The following SLC30A8 variants were observed in gnomAD, a reference collection of about 807,000 sequenced individuals.
SLC30A8 encodes solute carrier family 30 member 8.
A neutral mutation model predicts 36.9 loss-of-function variants in SLC30A8; 27 were observed. That is an observed-to-expected ratio of 0.73 (90% CI 0.54 to 1.01). The LOEUF (loss-of-function observed/expected upper bound fraction) is 1.01. Among genes scored for constraint, SLC30A8 ranks in the 50% least tolerant of loss-of-function variants. The pLI is 0.00. For synonymous variants in SLC30A8, 164 were observed against 172.4 expected (o/e 0.95, Z 0.38); for missense variants, 439 against 452.0 (o/e 0.97, Z 0.26).
chr8:116,958,256 G>A (rs1050688439), intron 1 of SLC30A8, among the ~76,000 whole-genome samples: 4 of 151,882 alleles, frequency 2.6e-5, no homozygotes, highest in Non-Finnish European at 4.4e-5. Context: ...TGGTTATGGC[G>A]TTTTCTAGTG....
intron 2 of SLC30A8, among the ~76,000 whole-genome samples, chr8:117,059,095 C>T (rs187985612): frequency 3.8e-4 from 58 of 152,234 alleles, no homozygotes; most frequent in Middle Eastern, 3.4e-3. Context: ...ATTGAAGTCA[C>T]GTTTATGGGA....
chr8:116,991,919 T>A (rs1815657271), intron 1 of SLC30A8, among the ~76,000 whole-genome samples: 2 of 152,162 alleles, frequency 1.3e-5, no homozygotes, highest in Non-Finnish European at 2.9e-5. Flanking sequence ...TCCATTTAAT[T>A]TTGCAGTGTC....
chr8:117,054,254 G>A lies in SLC30A8; in HGVS notation c.-226+14996G>A, dbSNP rs541081839. Among the ~76,000 whole-genome samples the A allele has an allele frequency of 1.3e-4, 20 of 152,042 alleles. No individual in the cohort carries two copies. In the South Asian group the frequency reaches 4.2e-3, roughly 32 times the overall value. On this transcript the variant is annotated intron_variant, in intron 2 of 10. Transcript: ENST00000427715. ...GCTGGGACGACAGGCGTGTGGTACCGCACCTGGCTATTTTTAAATTTTTTT... is the reference window on the plus strand; with the variant it reads ...GCTGGGACGACAGGCGTGTGGTACCACACCTGGCTATTTTTAAATTTTTTT...
At chr8:117,013,484 A>G (rs1816411126) in intron 1 of SLC30A8, among the ~76,000 whole-genome samples, 1 of 152,230 alleles carries the variant, frequency 6.6e-6, no homozygotes, top group Non-Finnish European at 1.5e-5. Flanking sequence ...GCATTGCTCT[A>G]GGGTAGATAA....
At chr8:117,022,257 A>G (rs1816722709) in intron 1 of SLC30A8, among the ~76,000 whole-genome samples, 1 of 152,104 alleles carries the variant, frequency 6.6e-6, no homozygotes, top group Non-Finnish European at 1.5e-5. Flanking sequence ...TATGATCTTG[A>G]GATGGATAAA....
At chr8:117,038,816 G>A (rs992468251) in intron 1 of SLC30A8, among the ~76,000 whole-genome samples, 3 of 152,186 alleles carry the variant, frequency 2.0e-5, no homozygotes, top group East Asian at 1.9e-4. Context: ...TAACCAATAA[G>A]ATGATTTTAA....
chr8:117,005,431 T>G (rs1276400750), intron 1 of SLC30A8, among the ~76,000 whole-genome samples: 1 of 152,258 alleles, frequency 6.6e-6, no homozygotes, highest in Non-Finnish European at 1.5e-5. Flanking sequence ...GGACCAATAT[T>G]CCATTGTATG....
intron 6 of SLC30A8, among the ~76,000 whole-genome samples, chr8:117,170,811 G>T (rs1045185690): frequency 2.0e-5 from 3 of 152,134 alleles, no homozygotes; most frequent in African/African-American, 7.2e-5. Context: ...ACCATTGTTG[G>T]TTATTGCATA....
intron 1 of SLC30A8, among the ~76,000 whole-genome samples, chr8:116,963,101 T>G (rs1814484077): frequency 6.6e-6 from 1 of 152,142 alleles, no homozygotes; most frequent in South Asian, 2.1e-4. Flanking sequence ...TAGGAAATCT[T>G]CAGGCTTGAA....
At chr8:117,054,091 C>T (rs1441639701) in intron 2 of SLC30A8, among the ~76,000 whole-genome samples, 1 of 140,254 alleles carries the variant, frequency 7.1e-6, no homozygotes. Context: ...AAATGTACTG[C>T]AAAAATCTTT....
intron 2 of SLC30A8, among the ~76,000 whole-genome samples, chr8:117,083,050 C>G (rs1563584405): frequency 6.6e-6 from 1 of 152,300 alleles, no homozygotes; most frequent in East Asian, 1.9e-4. Context: ...GGAGGGACAT[C>G]TCTTCTCCAT....
intron 1 of SLC30A8, among the ~76,000 whole-genome samples, chr8:117,143,448 CAT>C (rs1821751390): frequency 6.6e-6 from 1 of 152,146 alleles, no homozygotes; most frequent in African/African-American, 2.4e-5. Flanking sequence ...TTTGTTGCAT[CAT>C]AGCATTTGCT....
At chr8:116,961,233 T>C (rs1586329671) in intron 1 of SLC30A8, among the ~76,000 whole-genome samples, 1 of 152,038 alleles carries the variant, frequency 6.6e-6, no homozygotes, top group East Asian at 1.9e-4. Flanking sequence ...ATTGAGACCA[T>C]CCTGGCTAAC....
At chr8:117,006,928 AC>A (rs1381570109) in intron 1 of SLC30A8, 1 of 136,908 alleles carries the variant, frequency 7.3e-6, no homozygotes, top group African/African-American at 2.8e-5. Flanking sequence ...GATTACAGGC[AC>A]CTGCCACCCC....
At chr8:117,158,717 T>A (rs1822628779) in intron 4 of SLC30A8, among the ~76,000 whole-genome samples, 1 of 152,148 alleles carries the variant, frequency 6.6e-6, no homozygotes, top group African/African-American at 2.4e-5. Flanking sequence ...TTTTTTTGAG[T>A]CAAATTTCTC....
chr8:116,983,545 T>G (rs1815345116), intron 1 of SLC30A8, among the ~76,000 whole-genome samples: 1 of 152,188 alleles, frequency 6.6e-6, no homozygotes, highest in South Asian at 2.1e-4. Flanking sequence ...CTCATGTACT[T>G]TTTTCATAGA....
intron 1 of SLC30A8, among the ~76,000 whole-genome samples, chr8:117,012,042 C>A (rs932431090): frequency 6.6e-5 from 10 of 152,090 alleles, no homozygotes; most frequent in African/African-American, 2.4e-4. Context: ...TTGAAAAGAA[C>A]CCAGAATAAT....
rs376684185 is a variant in SLC30A8 at position 116,991,523 on chromosome 8, T to C, written c.-266+40404T>C. 2.6e-5 allele frequency among the ~76,000 whole-genome samples: 4 copies of C among 152,292 alleles called. No homozygotes were observed. The South Asian group carries it at 8.3e-4, about 32-fold the overall frequency. ...TTTCACCATGTTGGCCAGGCTGATC[T>C]TAAACTCCTGACCTCAGGTGATCGC... is the stretch of plus-strand genomic sequence containing the variant. On this transcript the variant is annotated intron_variant, in intron 1 of 10. Transcript: ENST00000427715.
intron 6 of SLC30A8, among the ~76,000 whole-genome samples, chr8:117,166,516 C>A (rs1355783050): frequency 6.6e-6 from 1 of 152,046 alleles, no homozygotes; most frequent in Admixed American, 6.6e-5. Flanking sequence ...ATATCTGAGC[C>A]CACTCCCACA....
Sources: allele counts gnomAD v4.1 joint callset (sites outside exome capture counted in the v4.1 genomes callset), GRCh38; gene constraint gnomAD v4.1.1; transcripts MANE v1.5; gene names NCBI Gene and HGNC (gene_info 2026-07-23, HGNC 2026-07-21).